UGT3A2: variants seen among roughly 807,000 people sequenced by gnomAD.
The protein encoded by UGT3A2 is UDP glycosyltransferase family 3 member A2, also known as UDP-glycosyltransferase 3A2.
In UGT3A2, 32 loss-of-function variants were observed where a neutral mutation model predicts 39.8. That is an observed-to-expected ratio of 0.80 (90% CI 0.61 to 1.08). The LOEUF (loss-of-function observed/expected upper bound fraction) is 1.08. Ranked by LOEUF, UGT3A2 falls within the 50% of genes least tolerant of loss-of-function variation. The pLI, the probability that UGT3A2 is intolerant of heterozygous loss-of-function variation, is 0.00. For synonymous variants in UGT3A2, 241 were observed against 230.7 expected, an observed-to-expected ratio of 1.04 and a Z score of -0.40; for missense variants, 611 against 637.1, an observed-to-expected ratio of 0.96 and a Z score of 0.44.
chr5:36,055,375 G>A (rs955493545), intron 2 of UGT3A2, among the ~76,000 whole-genome samples: 9 of 152,030 alleles, frequency 5.9e-5, no homozygotes, highest in African/African-American at 1.7e-4. Flanking sequence ...TGGGATTACA[G>A]GCACGAGCCA....
At chr5:36,036,029 A>C (rs1262774002) in intron 6 of UGT3A2, 55 bp from the exon 7 acceptor site, 2 of 1,586,856 alleles carry the variant, frequency 1.3e-6, no homozygotes, top group Non-Finnish European at 1.7e-6. Context: ...AAGAGTTAGA[A>C]TGTATGATCC....
rs559213447 is a variant in UGT3A2, at chr5:36,055,231, T to C, written c.197-3247A>G. ...AACAAGAGGCTGCTCTGCAGTTTGT[T>C]TTTTTTTTTCTTTTTTTAGACAGAG... On this transcript the variant is annotated intron_variant, in intron 2 of 6. Coordinates refer to ENST00000282507, the MANE Select transcript of UGT3A2 (RefSeq NM_174914.4). Among the ~76,000 whole-genome samples the C allele has an allele frequency of 3.1e-5, 3 of 96,166 alleles. No homozygotes were observed. The South Asian group carries it at 9.2e-4, about 30-fold the overall frequency. The allele number at this position is 96,166 out of a possible 152,430, so 63.1% of individuals were successfully genotyped here.
intron 2 of UGT3A2, among the ~76,000 whole-genome samples, chr5:36,052,663 A>T (rs1483797053): frequency 6.6e-6 from 1 of 151,124 alleles, no homozygotes; most frequent in Non-Finnish European, 1.5e-5. Context: ...CACAGTAAAA[A>T]CTCAAGCCAG....
At chr5:36,048,482 T>G (rs1360133073) in intron 4 of UGT3A2, among the ~76,000 whole-genome samples, 1 of 152,212 alleles carries the variant, frequency 6.6e-6, no homozygotes, top group Non-Finnish European at 1.5e-5. Context: ...TTACTCCGAA[T>G]CCATAGTGTT....
chr5:36,044,984 C>T (rs183799114), intron 4 of UGT3A2, among the ~76,000 whole-genome samples: 2 of 152,130 alleles, frequency 1.3e-5, no homozygotes, highest in East Asian at 1.9e-4. Context: ...GAAAAATAAT[C>T]CTAAAATTTA....
At chr5:36,041,938 C>T (rs74756506) in intron 4 of UGT3A2, among the ~76,000 whole-genome samples, 5,896 of 152,104 alleles carry the variant, frequency 0.039, 187 homozygotes, top group East Asian at 0.12. Flanking sequence ...CCTGGAGACA[C>T]AGAAAAATGT....
chr5:36,045,323 C>A (rs1581002546), intron 4 of UGT3A2, among the ~76,000 whole-genome samples: 2 of 152,130 alleles, frequency 1.3e-5, no homozygotes, highest in Middle Eastern at 3.4e-3. Flanking sequence ...ATACAAAAAT[C>A]AAATCAAAAT....
intron 6 of UGT3A2, among the ~76,000 whole-genome samples, 199 bp from the exon 7 acceptor site, chr5:36,036,173 C>T (rs1388368147): frequency 6.6e-6 from 1 of 152,170 alleles, no homozygotes; most frequent in Admixed American, 6.5e-5. Context: ...AAGTCTTAAA[C>T]TTAAAAAAAG....
At chr5:36,040,682 A>G (rs1017230483) in intron 4 of UGT3A2, among the ~76,000 whole-genome samples, 1 of 152,244 alleles carries the variant, frequency 6.6e-6, no homozygotes, top group African/African-American at 2.4e-5. Context: ...CCACCTCAGC[A>G]GTAGGAACCT....
intron 4 of UGT3A2, among the ~76,000 whole-genome samples, chr5:36,047,071 G>C (rs1214431462): frequency 6.6e-6 from 1 of 152,188 alleles, no homozygotes; most frequent in African/African-American, 2.4e-5. Context: ...AGGCATAAGT[G>C]ATTATTTCTG....
At chr5:36,036,412 G>A (rs751888612) in intron 6 of UGT3A2, among the ~76,000 whole-genome samples, 2 of 152,192 alleles carry the variant, frequency 1.3e-5, no homozygotes, top group Admixed American at 6.5e-5. Flanking sequence ...TGGGCTGCAG[G>A]CTGCATATTT....
chr5:36,046,281 G>T (rs1742163087), intron 4 of UGT3A2, among the ~76,000 whole-genome samples: 1 of 152,188 alleles, frequency 6.6e-6, no homozygotes. Flanking sequence ...AAGAAAAGAA[G>T]TCACTATACT....
chr5:36,065,822 G>C (rs1018861777), intron 1 of UGT3A2, among the ~76,000 whole-genome samples: 5 of 152,078 alleles, frequency 3.3e-5, no homozygotes, highest in Admixed American at 6.6e-5. Flanking sequence ...CACTAAATTA[G>C]ATGATCTGTG....
chr5:36,037,029 C>A (rs1741852473), intron 6 of UGT3A2, among the ~76,000 whole-genome samples: 1 of 152,140 alleles, frequency 6.6e-6, no homozygotes, highest in Admixed American at 6.5e-5. Flanking sequence ...AAGAAGATAG[C>A]AGAAAACAAG....
At chr5:36,057,382 G>A (rs1027759472) in intron 2 of UGT3A2, among the ~76,000 whole-genome samples, 2 of 152,106 alleles carry the variant, frequency 1.3e-5, no homozygotes, top group African/African-American at 4.8e-5. Context: ...TCCATGATGA[G>A]GGAATTATTA....
intron 5 of UGT3A2, among the ~76,000 whole-genome samples, chr5:36,038,537 C>T (rs1026649448): frequency 1.3e-5 from 2 of 152,180 alleles, no homozygotes; most frequent in African/African-American, 4.8e-5. Context: ...AAGAGAAGTG[C>T]CTTGAAAGTA....
Position 36,051,954 on chromosome 5 carries a change from A to G in UGT3A2, c.227T>C (p.Val76Ala). 1 of 1,576,800 alleles carries G rather than the reference A, an allele frequency of 6.3e-7. No individual in the cohort carries two copies. The change falls in exon 3 of 7, where the codon GTT becomes GCT. Residue 76 changes from valine (V) to alanine (A), a missense_variant. Transcript: ENST00000282507. ...ATCTTCAGGTGCAAGCCAACTGATA[A>G]CTTGATATGATTTTTCTTCCTTTTT... Reference protein sequence around the residue: ...DFKKEEKSYQVISWLAPEDHQ... With the variant: ...DFKKEEKSYQAISWLAPEDHQ...
At chr5:36,064,448 G>A (rs897450265) in intron 1 of UGT3A2, 98 bp from the exon 2 acceptor site, 28 of 1,041,998 alleles carry the variant, frequency 2.7e-5, no homozygotes, top group Non-Finnish European at 3.3e-5. Context: ...GGAAACAGAA[G>A]TGGATAGTGA....
chr5:36,049,987 C>A (rs1275642311), intron 3 of UGT3A2, among the ~76,000 whole-genome samples: 1 of 151,914 alleles, frequency 6.6e-6, no homozygotes, highest in Non-Finnish European at 1.5e-5. Flanking sequence ...ACCTTTCTAC[C>A]CCTAGGAGTT....
Sources: gnomAD v4.1 joint callset for allele counts (sites outside exome capture counted in the v4.1 genomes callset) on GRCh38, gnomAD v4.1.1 for gene constraint, MANE v1.5 for transcripts, NCBI Gene and HGNC (gene_info 2026-07-23, HGNC 2026-07-21) for gene names.